Variants in PRKG1 observed in about 807,000 individuals in gnomAD.
PRKG1 encodes the protein protein kinase cGMP-dependent 1.
A neutral mutation model predicts 88.1 loss-of-function variants in PRKG1; 35 were observed. The observed-to-expected ratio is 0.40, with a 90% CI of 0.30 to 0.53. PRKG1 has a LOEUF of 0.53. PRKG1 is among the 20% of genes least tolerant of loss of function. PRKG1 has a pLI of 0.59. For synonymous variants in PRKG1, 303 were observed against 292.5 expected (o/e 1.04, Z -0.37); for missense variants, 540 against 839.8 (o/e 0.64, Z 4.41).
At chr10:51,880,272 A>T (rs1162794364) in intron 4 of PRKG1, among the ~76,000 whole-genome samples, 1 of 151,624 alleles carries the variant, frequency 6.6e-6, no homozygotes, top group Non-Finnish European at 1.5e-5. Context: ...AAAAAAAAAG[A>T]TTAAATAATG....
intron 1 of PRKG1, among the ~76,000 whole-genome samples, chr10:51,142,445 A>G (rs895398462): frequency 6.6e-5 from 10 of 151,928 alleles, no homozygotes; most frequent in Admixed American, 2.0e-4. Flanking sequence ...GGCCAAAGAT[A>G]TGAGAAAGAG....
intron 3 of PRKG1, among the ~76,000 whole-genome samples, chr10:51,750,082 C>G (rs373304559): frequency 6.6e-6 from 1 of 151,968 alleles, no homozygotes; most frequent in Non-Finnish European, 1.5e-5. Flanking sequence ...ATTACAGGCT[C>G]ATGCCACCAT....
intron 8 of PRKG1, among the ~76,000 whole-genome samples, chr10:52,134,190 G>A (rs1241548485): frequency 6.6e-6 from 1 of 152,110 alleles, no homozygotes; most frequent in Non-Finnish European, 1.5e-5. Context: ...GGATTAATGA[G>A]AACATTTGAG....
intron 3 of PRKG1, among the ~76,000 whole-genome samples, chr10:51,657,380 C>T (rs1055692491): frequency 6.6e-6 from 1 of 152,090 alleles, no homozygotes; most frequent in Non-Finnish European, 1.5e-5. Context: ...ATATAGTAAG[C>T]ATGGATACAG....
intron 2 of PRKG1, among the ~76,000 whole-genome samples, chr10:51,193,582 C>A (rs1050117264): frequency 1.3e-5 from 2 of 151,944 alleles, no homozygotes; most frequent in African/African-American, 4.8e-5. Flanking sequence ...TGGAAGGGAG[C>A]TCCTGTATGA....
chr10:51,740,114 GC>G lies in PRKG1; in HGVS notation c.593-64469del, dbSNP rs1416260645. On this transcript the variant is annotated intron_variant, in intron 3 of 17. Coordinates refer to ENST00000373980, the MANE Select transcript of PRKG1 (RefSeq NM_006258.4). ...ATGACCTTGGCTCACTGCAGCCTAG[GC>G]CTCCTGGGCTCAAGTGATCCCCCCA... Among the ~76,000 whole-genome samples the G allele has an allele frequency of 3.3e-5, 5 of 152,222 alleles. No individual in the cohort carries two copies. The East Asian group carries it at 9.7e-4, about 29-fold the overall frequency.
intron 2 of PRKG1, among the ~76,000 whole-genome samples, chr10:51,373,840 GT>G (rs1842753580): frequency 6.6e-6 from 1 of 151,602 alleles, no homozygotes; most frequent in African/African-American, 2.4e-5. Context: ...GTCTCTTTTC[GT>G]TTTTTAAAAA....
intron 2 of PRKG1, among the ~76,000 whole-genome samples, chr10:51,378,011 A>G (rs1261432043): frequency 6.6e-6 from 1 of 152,258 alleles, no homozygotes; most frequent in African/African-American, 2.4e-5. Flanking sequence ...TAGACATTGC[A>G]GAGCACTGAG....
intron 3 of PRKG1, among the ~76,000 whole-genome samples, chr10:51,604,886 C>A (rs567459108): frequency 1.5e-4 from 23 of 152,216 alleles, no homozygotes; most frequent in Non-Finnish European, 2.6e-4. Flanking sequence ...GCTCAATAGA[C>A]CCTCTGCCTT....
chr10:51,639,415 C>T (rs760590462), intron 3 of PRKG1, among the ~76,000 whole-genome samples: 111 of 120,660 alleles, frequency 9.2e-4, no homozygotes, highest in Middle Eastern at 6.6e-3. Flanking sequence ...GCCTGGGCGG[C>T]GACAGAGCCA....
At chr10:51,289,242 G>A (rs1840520587) in intron 2 of PRKG1, among the ~76,000 whole-genome samples, 1 of 152,154 alleles carries the variant, frequency 6.6e-6, no homozygotes, top group African/African-American at 2.4e-5. Flanking sequence ...ATGGGCATCA[G>A]TGGTTTTTTG....
chr10:51,177,378 T>C (rs942203855), intron 2 of PRKG1, among the ~76,000 whole-genome samples: 2 of 152,226 alleles, frequency 1.3e-5, no homozygotes, highest in African/African-American at 4.8e-5. Flanking sequence ...CACTACTAAC[T>C]ACAAATGTAA....
chr10:51,310,599 ATTTTTATT>A (rs1342574345), intron 2 of PRKG1, among the ~76,000 whole-genome samples: 2 of 152,034 alleles, frequency 1.3e-5, no homozygotes, highest in Non-Finnish European at 2.9e-5. Context: ...CTATACCCAT[ATTTTTATT>A]TTTTTATTTT....
At chr10:51,094,036 G>C (rs1844464117) in intron 1 of PRKG1, among the ~76,000 whole-genome samples, 1 of 151,766 alleles carries the variant, frequency 6.6e-6, no homozygotes, top group South Asian at 2.1e-4. Flanking sequence ...CCCCAGAATG[G>C]TGCTTGGCAC....
chr10:52,145,142 G>A (rs1050928788), intron 8 of PRKG1, among the ~76,000 whole-genome samples: 2 of 152,082 alleles, frequency 1.3e-5, no homozygotes, highest in African/African-American at 4.8e-5. Flanking sequence ...GATGATGAAT[G>A]GAAATTGATG....
At chr10:51,242,593 C>G (rs557329724) in intron 2 of PRKG1, among the ~76,000 whole-genome samples, 1 of 152,082 alleles carries the variant, frequency 6.6e-6, no homozygotes, top group Admixed American at 6.6e-5. Flanking sequence ...CCTCAAGGCT[C>G]GCAGTCTAGG....
intron 4 of PRKG1, among the ~76,000 whole-genome samples, chr10:51,881,276 AC>A (rs1480704325): frequency 6.6e-6 from 1 of 152,188 alleles, no homozygotes; most frequent in Non-Finnish European, 1.5e-5. Flanking sequence ...GCTAACCCAA[AC>A]CTTAGACTGT....
chr10:51,433,141 G>C lies in PRKG1; in HGVS notation c.479-34582G>C, dbSNP rs570153115. On this transcript the variant is annotated intron_variant, in intron 2 of 17. Coordinates refer to ENST00000373980, the MANE Select transcript of PRKG1 (RefSeq NM_006258.4). ...AGAAAAAAGTTATTAAAATGGTTGG[G>C]GAGGGAGTCTGAAATTAGATGGATC... Among the ~76,000 whole-genome samples the C allele has an allele frequency of 1.3e-4, 20 of 152,208 alleles. No homozygotes were observed. In the South Asian group the frequency reaches 4.1e-3, roughly 32 times the overall value.
rs181542282 is a variant in PRKG1 at position 51,242,852 on chromosome 10, G to T, written c.478+89522G>T. 5.9e-5 allele frequency among the ~76,000 whole-genome samples: 9 copies of T among 152,232 alleles called. No individual in the cohort carries two copies. The East Asian group carries it at 1.4e-3, about 23-fold the overall frequency. On this transcript the variant is annotated intron_variant, in intron 2 of 17. Transcript: ENST00000373980. ...TTAGTGAAAATATAGTGAACACTAA[G>T]ACAGGTTGCAGGTGATCACTGAGAA...
Sources: allele counts gnomAD v4.1 joint callset (sites outside exome capture counted in the v4.1 genomes callset), GRCh38; gene constraint gnomAD v4.1.1; transcripts MANE v1.5; gene names NCBI Gene and HGNC (gene_info 2026-07-23, HGNC 2026-07-21).